The following ARHGEF4 variants were observed in gnomAD, a reference collection of about 807,000 sequenced individuals.
ARHGEF4 encodes the protein Rho guanine nucleotide exchange factor 4.
In ARHGEF4, 119 loss-of-function variants were observed where a neutral mutation model predicts 162.0. The ratio of observed to expected loss-of-function variants is 0.73; its 90% CI spans 0.63 to 0.86. The LOEUF (loss-of-function observed/expected upper bound fraction) is 0.86. ARHGEF4 is among the 40% of genes least tolerant of loss of function. The probability of loss-of-function intolerance (pLI) is 0.00; values close to 1 mark genes in which losing one functional copy is unlikely to be tolerated. For missense variants in ARHGEF4, 2,488 were observed against 2,456.0 expected (o/e 1.01, Z -0.28); for synonymous variants, 1,014 against 979.9 (o/e 1.03, Z -0.65).
intron 1 of ARHGEF4, among the ~76,000 whole-genome samples, chr2:130,904,519 A>G (rs1680696335): frequency 6.6e-6 from 1 of 152,088 alleles, no homozygotes; most frequent in Non-Finnish European, 1.5e-5. Context: ...ATTTGATATA[A>G]CAGCTAGGAA....
intron 4 of ARHGEF4, among the ~76,000 whole-genome samples, chr2:130,993,016 G>A (rs897132367): frequency 6.6e-6 from 1 of 152,194 alleles, no homozygotes; most frequent in South Asian, 2.1e-4. Flanking sequence ...TCCTGGAGGC[G>A]GAGGTTGCAG....
rs769501786 is a variant in ARHGEF4, at chr2:130,916,906, A to G, written c.2960A>G (p.His987Arg). ...CTCTCCCCAGCAGAGACCGACAGCC[A>G]CTGTGAGGAACGGGCGGAGGACAAA... ...EVLSPAETDS[H>R]CEERAEDKEG... The change falls in exon 2 of 14, where the codon CAC (histidine) becomes CGC (arginine). Residue 987 changes from histidine (H) to arginine (R), a missense_variant. By Grantham distance (29) the His-to-Arg change is conservative. Around this residue, in one of 6 missense-constraint regions of ARHGEF4, gnomAD observed 1,642 missense variants for 1,481.5 expected, o/e 1.11. Transcript: ENST00000409359. 3.5e-4 allele frequency: 542 copies of G among 1,550,464 alleles called. 2 individuals carry two copies. Among genetic ancestry groups the G allele is most frequent in the Non-Finnish European group, 4.5e-4 (520 of 1,147,018 alleles).
intron 1 of ARHGEF4, chr2:130,837,509 G>T: frequency 7.7e-6 from 3 of 388,836 alleles, no homozygotes; most frequent in Non-Finnish European, 1.5e-5. Flanking sequence ...GCTGGAACTG[G>T]GGTCGGGGCT....
intron 4 of ARHGEF4, among the ~76,000 whole-genome samples, chr2:130,962,140 G>A (rs964393166): frequency 2.0e-5 from 3 of 151,864 alleles, no homozygotes; most frequent in Admixed American, 6.6e-5. Context: ...GTGGGAGGCT[G>A]AGGCAGGAGA....
chr2:130,951,040 C>T (rs931336972), intron 4 of ARHGEF4, among the ~76,000 whole-genome samples: 2 of 152,210 alleles, frequency 1.3e-5, no homozygotes, highest in African/African-American at 4.8e-5. Flanking sequence ...TCTTTTACAG[C>T]TTCCTCACTT....
intron 11 of ARHGEF4, 36 bp downstream of exon 11, chr2:131,043,619 A>G: frequency 6.2e-7 from 1 of 1,612,784 alleles, no homozygotes; most frequent in Non-Finnish European, 8.5e-7. Context: ...CCCCAAGTTG[A>G]GCAAGTGGAG....
At chr2:131,006,078 C>A (rs1350940777) in intron 4 of ARHGEF4, among the ~76,000 whole-genome samples, 1 of 152,120 alleles carries the variant, frequency 6.6e-6, no homozygotes, top group African/African-American at 2.4e-5. Flanking sequence ...GGGGAGGAGA[C>A]CTGTTCCCCG....
chr2:131,040,485 G>C, intron 8 of ARHGEF4, 45 bp downstream of exon 8: 9 of 1,488,946 alleles, frequency 6.0e-6, no homozygotes, highest in Non-Finnish European at 7.2e-6. Context: ...TGCGTTCACA[G>C]AGGCTGCCGC....
intron 4 of ARHGEF4, among the ~76,000 whole-genome samples, chr2:131,007,836 G>A (rs1361969067): frequency 9.8e-6 from 1 of 101,886 alleles, no homozygotes; most frequent in African/African-American, 3.9e-5. Context: ...TTTGGAGACA[G>A]AGTCTCGCCC....
At chr2:131,009,069 T>C (rs1257150168) in intron 4 of ARHGEF4, among the ~76,000 whole-genome samples, 1 of 152,262 alleles carries the variant, frequency 6.6e-6, no homozygotes, top group African/African-American at 2.4e-5. Context: ...TCACTTAATG[T>C]TTCTTGTAGT....
chr2:130,927,383 A>G (rs545824713), intron 2 of ARHGEF4, among the ~76,000 whole-genome samples: 2 of 152,308 alleles, frequency 1.3e-5, no homozygotes, highest in South Asian at 4.1e-4. Context: ...TAACACTGGC[A>G]GGGGAAGAAA....
intron 1 of ARHGEF4, chr2:130,837,565 G>C: frequency 2.3e-6 from 1 of 444,130 alleles, no homozygotes; most frequent in South Asian, 1.6e-5. Context: ...CGATTTCCGG[G>C]CCCGCTCACC....
chr2:130,908,655 G>A (rs563982160), intron 1 of ARHGEF4, among the ~76,000 whole-genome samples: 10 of 152,024 alleles, frequency 6.6e-5, no homozygotes, highest in East Asian at 5.8e-4. Context: ...CAGCCCAGGC[G>A]ACAGTGCGAG....
At chr2:130,908,471 T>G (rs1475132345) in intron 1 of ARHGEF4, among the ~76,000 whole-genome samples, 1 of 152,096 alleles carries the variant, frequency 6.6e-6, no homozygotes, top group African/African-American at 2.4e-5. Context: ...GGTCAGGAGT[T>G]CAAGACCAGC....
At chr2:130,900,160 G>C (rs956696229) in intron 1 of ARHGEF4, among the ~76,000 whole-genome samples, 1 of 152,040 alleles carries the variant, frequency 6.6e-6, no homozygotes, top group Non-Finnish European at 1.5e-5. Context: ...TTCGGTGAAT[G>C]TTTCATGGAC....
At chr2:130,905,062 G>C (rs1680735408) in intron 1 of ARHGEF4, among the ~76,000 whole-genome samples, 1 of 152,236 alleles carries the variant, frequency 6.6e-6, no homozygotes, top group South Asian at 2.1e-4. Context: ...CTAGGCGACA[G>C]AGTGAGACTC....
chr2:130,981,452 G>A lies in ARHGEF4; in HGVS notation c.3985+34817G>A, dbSNP rs551943952. 9.9e-5 allele frequency among the ~76,000 whole-genome samples: 15 copies of A among 152,114 alleles called. No homozygotes were observed. The East Asian group carries it at 2.7e-3, about 27-fold the overall frequency. On this transcript the variant is annotated intron_variant, in intron 4 of 13. Coordinates refer to ENST00000409359, the MANE Select transcript of ARHGEF4 (RefSeq NM_001367493.1). ...AAGGCAGGCGGATCCCAAGGTCGGG[G>A]GATCGAGACCAGCTTGGCCAATATG...
chr2:131,007,850 C>A (rs1328148652), intron 4 of ARHGEF4, among the ~76,000 whole-genome samples: 1 of 124,808 alleles, frequency 8.0e-6, no homozygotes, highest in Non-Finnish European at 1.6e-5. Context: ...CTCGCCCTAT[C>A]CCCCGGGCTG....
At chr2:131,030,919 G>A (rs1221580837) in intron 5 of ARHGEF4, among the ~76,000 whole-genome samples, 3 of 152,246 alleles carry the variant, frequency 2.0e-5, no homozygotes, top group African/African-American at 7.2e-5. Flanking sequence ...CGACAGGCCA[G>A]TTCCCGGGCC....
Sources: gnomAD v4.1 joint callset for allele counts (sites outside exome capture counted in the v4.1 genomes callset) on GRCh38, gnomAD v4.1.1 for gene constraint, gnomAD v4.1.1 regional missense constraint, MANE v1.5 for transcripts, NCBI Gene and HGNC (gene_info 2026-07-23, HGNC 2026-07-21) for gene names.